Variants in RYR2 observed in about 807,000 individuals in gnomAD.
RYR2 encodes the protein ryanodine receptor 2.
In RYR2, 227 loss-of-function variants were observed where a neutral mutation model predicts 601.1. The ratio of observed to expected loss-of-function variants is 0.38; its 90% CI spans 0.34 to 0.42. The LOEUF (loss-of-function observed/expected upper bound fraction) is 0.42, where lower values mean the gene tolerates loss of function less well. RYR2 is among the 10% of genes least tolerant of loss of function. The pLI is 1.00. For missense variants in RYR2, 4,646 were observed against 6,156.5 expected (o/e 0.75, Z 8.21); for synonymous variants, 2,223 against 2,175.1 (o/e 1.02, Z -0.61).
chr1:237,153,057 G>A (rs1039689345), intron 1 of RYR2, among the ~76,000 whole-genome samples: 9 of 152,194 alleles, frequency 5.9e-5, no homozygotes, highest in African/African-American at 2.2e-4. Context: ...GCTGGTTGCT[G>A]AATCAGATTT....
chr1:237,287,895 C>T (rs1210170638), intron 2 of RYR2, among the ~76,000 whole-genome samples: 1 of 152,100 alleles, frequency 6.6e-6, no homozygotes, highest in Non-Finnish European at 1.5e-5. Context: ...CTTGTTTTGT[C>T]ATATTACCAG....
At chr1:237,203,038 C>T (rs141410895) in intron 1 of RYR2, among the ~76,000 whole-genome samples, 16 of 152,314 alleles carry the variant, frequency 1.1e-4, no homozygotes, top group African/African-American at 3.8e-4. Flanking sequence ...GTGGCCCAGA[C>T]AGCAGCTTCT....
In RYR2 at chr1:237,614,397, C is replaced by G; in HGVS notation, c.5269C>G (p.Leu1757Val). 6.2e-7 allele frequency: 1 copy of G among 1,614,046 alleles called. No individual in the cohort carries two copies. Among genetic ancestry groups the G allele is most frequent in the Non-Finnish European group, 8.5e-7 (1 of 1,179,904 alleles). Residue 1757 changes from leucine (L) to valine (V), a missense_variant, in exon 37 of 105, where the codon CTC becomes GTC. By Grantham distance (32) the Leu-to-Val change is conservative. Coordinates refer to ENST00000366574, the MANE Select transcript of RYR2 (RefSeq NM_001035.3). This position sits in a 1 kb window ranked among gnomAD's most constrained non-coding sequence, Gnocchi z 4.3. The stretch of plus-strand genomic sequence containing the variant: ...TCCAGGGATCGGCCTCAGCACCTCC[C>G]TCAGGCCACGGATGCAGTTTTCCTC... ...GLPGIGLSTSLRPRMQFSSPS... is the reference protein window; with the variant it reads ...GLPGIGLSTSVRPRMQFSSPS...
intron 3 of RYR2, among the ~76,000 whole-genome samples, chr1:237,340,888 C>T (rs76783311): frequency 5.9e-5 from 9 of 152,236 alleles, no homozygotes; most frequent in Admixed American, 1.3e-4. Context: ...CAACAATTAT[C>T]CATCTGTCAC....
intron 17 of RYR2, among the ~76,000 whole-genome samples, chr1:237,470,266 A>T (rs1442567796): frequency 6.6e-6 from 1 of 152,222 alleles, no homozygotes; most frequent in Non-Finnish European, 1.5e-5. Flanking sequence ...GATGAACATT[A>T]AAATTCACTC....
chr1:237,724,184 C>CAT (rs35705894), intron 74 of RYR2, among the ~76,000 whole-genome samples: 2,363 of 136,806 alleles, frequency 0.017, 50 homozygotes, highest in African/African-American at 0.054. Context: ...TGTGTGTGTG[C>CAT]ATATATATAT....
At position 237,172,809 on chromosome 1, in the gene RYR2, G is replaced by T. The variant is rs546040507; in HGVS notation, c.49-97688G>T. Among the ~76,000 whole-genome samples, 16 of 152,284 alleles carry T rather than the reference G, an allele frequency of 1.1e-4. No homozygotes were observed. In the South Asian group the frequency reaches 3.3e-3, roughly 32 times the overall value. On this transcript the variant is annotated intron_variant, in intron 1 of 104. Coordinates refer to ENST00000366574, the MANE Select transcript of RYR2 (RefSeq NM_001035.3). ...GAGGTTCCCAAGGTTCTGGTTGGTG[G>T]TTCGAGTCAGGACTCAGGTTTTCCT...
intron 48 of RYR2, 112 bp from the exon 49 acceptor site, chr1:237,648,332 C>T: frequency 1.0e-6 from 1 of 955,760 alleles, no homozygotes; most frequent in Middle Eastern, 2.2e-4. Flanking sequence ...GAACAGAAAG[C>T]CATTTCATTG....
chr1:237,601,964 A>G, intron 34 of RYR2, 61 bp from the exon 35 acceptor site: 1 of 1,443,902 alleles, frequency 6.9e-7, no homozygotes, highest in East Asian at 2.3e-5. Flanking sequence ...TTATAAAGAA[A>G]AACTTTTTCC....
intron 1 of RYR2, among the ~76,000 whole-genome samples, chr1:237,052,451 A>G (rs1450811607): frequency 1.4e-4 from 21 of 152,224 alleles, no homozygotes. Context: ...AATCCAGACT[A>G]TAGAACAACA....
intron 67 of RYR2, 70 bp downstream of exon 67, chr1:237,705,413 A>C: frequency 7.7e-7 from 1 of 1,296,292 alleles, no homozygotes; most frequent in African/African-American, 1.5e-5. Flanking sequence ...ATTGTCCAAT[A>C]GTGATTTTTA....
At chr1:237,764,777 C>A (rs1693716633) in intron 84 of RYR2, among the ~76,000 whole-genome samples, 1 of 152,042 alleles carries the variant, frequency 6.6e-6, no homozygotes, top group African/African-American at 2.4e-5. Flanking sequence ...TTGTCCCTTT[C>A]CGGGACACAA....
intron 63 of RYR2, among the ~76,000 whole-genome samples, chr1:237,692,386 G>A (rs189875178): frequency 6.6e-6 from 1 of 152,198 alleles, no homozygotes; most frequent in East Asian, 1.9e-4. Context: ...TCTCTCAACT[G>A]TGTTCCACGA....
At chr1:237,144,368 A>T (rs1673741457) in intron 1 of RYR2, among the ~76,000 whole-genome samples, 1 of 152,136 alleles carries the variant, frequency 6.6e-6, no homozygotes, top group Non-Finnish European at 1.5e-5. Context: ...ACTCATTCCT[A>T]TCTTTATGTC....
chr1:237,456,706 C>T lies in RYR2; in HGVS notation c.1583C>T (p.Ser528Phe), dbSNP rs867134734. ...AGREAGESWK[S>F]ILNSLYELLA... ...CGAGAAGCAGGAGAGTCTTGGAAAT[C>T]CATTCTGAATTCTCTGTATGAGTTG... The change falls in exon 16 of 105, where the codon TCC becomes TTC. Residue 528 changes from serine to phenylalanine, a missense_variant. By Grantham distance (155) the Ser-to-Phe change is radical (BLOSUM62 -2). Around this residue, in one of 17 missense-constraint regions of RYR2, gnomAD observed 1,807 missense variants for 2,088.1 expected, o/e 0.87. Coordinates refer to ENST00000366574, the MANE Select transcript of RYR2 (RefSeq NM_001035.3). 3 of 1,613,486 alleles carry T rather than the reference C, an allele frequency of 1.9e-6. No individual in the cohort carries two copies. Among genetic ancestry groups the T allele is most frequent in the African/African-American group, 1.3e-5 (1 of 74,998 alleles).
At chr1:237,495,028 A>G (rs994143575) in intron 19 of RYR2, among the ~76,000 whole-genome samples, 5 of 152,088 alleles carry the variant, frequency 3.3e-5, no homozygotes, top group Non-Finnish European at 7.4e-5. Flanking sequence ...TGACCTTGTG[A>G]TCCGCCCGCC....
At chr1:237,201,481 C>T (rs928448191) in intron 1 of RYR2, among the ~76,000 whole-genome samples, 2 of 152,150 alleles carry the variant, frequency 1.3e-5, no homozygotes, top group Non-Finnish European at 2.9e-5. Context: ...CTGGCCATTC[C>T]AGGGAAATTG....
chr1:237,492,904 G>GGAGGGAGA (rs1249710790), intron 18 of RYR2, 50 bp from the exon 19 acceptor site: 1 of 1,413,184 alleles, frequency 7.1e-7, no homozygotes, highest in Non-Finnish European at 9.6e-7. Context: ...AGGGAGGGAG[G>GGAGGGAGA]GAAAGCAGGG....
intron 1 of RYR2, among the ~76,000 whole-genome samples, chr1:237,218,048 G>C (rs2149125426): frequency 6.6e-6 from 1 of 152,290 alleles, no homozygotes; most frequent in East Asian, 1.9e-4. Context: ...CTATTTAAAA[G>C]TCAGTTGGAT....
Sources: allele counts gnomAD v4.1 joint callset (sites outside exome capture counted in the v4.1 genomes callset), GRCh38; gene constraint gnomAD v4.1.1; regional missense constraint gnomAD v4.1.1; non-coding constraint Gnocchi (gnomAD v3.1); transcripts MANE v1.5; gene names NCBI Gene and HGNC (gene_info 2026-07-23, HGNC 2026-07-21).